The following HSPBAP1 variants were observed in gnomAD, a reference collection of about 807,000 sequenced individuals.
HSPBAP1 encodes HSPB1-associated protein 1.
In HSPBAP1, 27 loss-of-function variants were observed where a neutral mutation model predicts 45.2. The observed-to-expected ratio is 0.60, with a 90% CI of 0.44 to 0.82. The LOEUF is 0.82. HSPBAP1 is among the 40% of genes least tolerant of loss of function. The probability of loss-of-function intolerance (pLI) is 0.00; values close to 1 mark genes in which losing one functional copy is unlikely to be tolerated. For missense variants in HSPBAP1, 510 were observed against 590.9 expected (o/e 0.86, Z 1.42); for synonymous variants, 204 against 202.7 (o/e 1.01, Z -0.06).
chr3:122,747,301 G>A (rs1290417759), intron 6 of HSPBAP1, among the ~76,000 whole-genome samples: 11 of 151,522 alleles, frequency 7.3e-5, no homozygotes, highest in African/African-American at 2.7e-4. Flanking sequence ...GCCTCTGCCC[G>A]GCCGCGACCC....
At chr3:122,743,204 T>C (rs1425178252) in intron 6 of HSPBAP1, among the ~76,000 whole-genome samples, 4 of 152,228 alleles carry the variant, frequency 2.6e-5, no homozygotes, top group Admixed American at 1.3e-4. Context: ...TATCCACTCA[T>C]CAGATGATTG....
chr3:122,740,187 T>A lies in HSPBAP1; in HGVS notation c.*158A>T, dbSNP rs893766361. ...CAGTTTGGCCAAAGAGGAATGTGCA[T>A]GAAAGAAGGTGGCAACAGACTGACA... On this transcript the variant is annotated 3_prime_UTR_variant, in exon 8 of 8. Transcript: ENST00000306103. The A allele has an allele frequency of 6.7e-6, 3 of 450,914 alleles. No homozygotes were observed. Among genetic ancestry groups the A allele is most frequent in the Non-Finnish European group, 1.1e-5 (3 of 267,802 alleles). The allele number at this position is 450,914 out of a possible 1,614,324, so 27.9% of individuals were successfully genotyped here.
chr3:122,742,718 G>A (rs573445059), intron 6 of HSPBAP1, among the ~76,000 whole-genome samples: 1 of 152,222 alleles, frequency 6.6e-6, no homozygotes, highest in East Asian at 1.9e-4. Context: ...AAGTCCTTAA[G>A]AGCAAAAACT....
chr3:122,762,320 T>G (rs1934622363), intron 3 of HSPBAP1, among the ~76,000 whole-genome samples: 1 of 152,042 alleles, frequency 6.6e-6, no homozygotes. Flanking sequence ...TTCCTTCCAA[T>G]TGCTCTTCTC....
intron 1 of HSPBAP1, among the ~76,000 whole-genome samples, chr3:122,783,160 G>C (rs752562485): frequency 6.6e-6 from 1 of 152,232 alleles, no homozygotes; most frequent in African/African-American, 2.4e-5. Context: ...ATCTTCAGGT[G>C]ACCTTTACAT....
At chr3:122,783,356 C>A (rs941527236) in intron 1 of HSPBAP1, among the ~76,000 whole-genome samples, 1 of 152,108 alleles carries the variant, frequency 6.6e-6, no homozygotes, top group African/African-American at 2.4e-5. Flanking sequence ...TGCAGTGCAC[C>A]AAATCTTCCT....
chr3:122,745,779 C>G (rs1933825278), intron 6 of HSPBAP1, among the ~76,000 whole-genome samples: 3 of 152,136 alleles, frequency 2.0e-5, no homozygotes, highest in African/African-American at 7.2e-5. Context: ...GGTGAAAGTT[C>G]TCGACTTAAT....
intron 2 of HSPBAP1, among the ~76,000 whole-genome samples, chr3:122,776,218 C>T (rs984706587): frequency 1.3e-5 from 2 of 152,170 alleles, no homozygotes; most frequent in African/African-American, 4.8e-5. Context: ...TGTGCATATA[C>T]TAACAACCAA....
intron 5 of HSPBAP1, chr3:122,753,830 T>A: frequency 4.1e-6 from 4 of 984,718 alleles, no homozygotes; most frequent in Non-Finnish European, 4.8e-6. Context: ...TGGGTTTGAG[T>A]GGATTAAAGA....
rs200566293 is a variant in HSPBAP1 at position 122,783,828 on chromosome 3, ACTTT to A, written c.65-5926_65-5923del. 5.8e-3 allele frequency among the ~76,000 whole-genome samples: 734 copies of A among 126,402 alleles called. 6 individuals are homozygous for A. The highest frequency in any genetic ancestry group is 0.017 in the African/African-American group (659 of 38,176). 82.9% of individuals were successfully genotyped at this position (126,402 alleles called of 152,430 possible). A position where few individuals can be genotyped will look rare whatever the true frequency, so the allele number is the denominator to read the frequency against. The stretch of plus-strand genomic sequence containing the variant: ...CCTTGTTCCTGGTACAGGGAGGGCA[ACTTT>A]CTTTTTTTTTTTTTTTGAGACGGAG... On this transcript the variant is annotated intron_variant, in intron 1 of 7. Transcript: ENST00000306103.
chr3:122,759,106 A>G (rs1022330543), intron 4 of HSPBAP1, 118 bp downstream of exon 4: 28 of 1,399,906 alleles, frequency 2.0e-5, no homozygotes, highest in Non-Finnish European at 2.6e-5. Flanking sequence ...GCAGGCTGAC[A>G]GGATGGGGCT....
intron 5 of HSPBAP1, chr3:122,754,046 G>T: frequency 4.2e-6 from 1 of 236,210 alleles, no homozygotes; most frequent in Non-Finnish European, 6.9e-6. Flanking sequence ...ATGCAAAATA[G>T]TACAGCTGCT....
Position 122,740,323 on chromosome 3 carries a change from TA to T in HSPBAP1, c.*21del. On this transcript the variant is annotated 3_prime_UTR_variant, in exon 8 of 8. Coordinates refer to ENST00000306103, the MANE Select transcript of HSPBAP1 (RefSeq NM_024610.6). ...AATATATATTTAAAAAATATTATTTTAAAAGTCATCTTCCACTTGAATCATA... is the reference window on the plus strand; with the variant it reads ...AATATATATTTAAAAAATATTATTTTAAAGTCATCTTCCACTTGAATCATA... 6.8e-7 allele frequency: 1 copy of T among 1,467,790 alleles called. No individual in the cohort carries two copies. Among genetic ancestry groups the T allele is most frequent in the Non-Finnish European group, 9.2e-7 (1 of 1,091,720 alleles). 90.9% of individuals were successfully genotyped at this position (1,467,790 alleles called of 1,614,324 possible).
At chr3:122,788,070 T>C (rs1406586924) in intron 1 of HSPBAP1, among the ~76,000 whole-genome samples, 1 of 152,184 alleles carries the variant, frequency 6.6e-6, no homozygotes, top group Non-Finnish European at 1.5e-5. Flanking sequence ...TACCAATGCT[T>C]GGTGTGGCAG....
At chr3:122,753,584 A>C (rs1934237073) in intron 5 of HSPBAP1, 2 of 984,094 alleles carry the variant, frequency 2.0e-6, no homozygotes, top group South Asian at 9.4e-5. Flanking sequence ...GATGGCATCT[A>C]TCCAGACTCA....
intron 6 of HSPBAP1, among the ~76,000 whole-genome samples, chr3:122,749,393 A>C (rs1934046010): frequency 6.6e-6 from 1 of 152,186 alleles, no homozygotes; most frequent in African/African-American, 2.4e-5. Flanking sequence ...AAACAAACTG[A>C]AACAAATGAA....
rs759866368 is a variant in HSPBAP1 at position 122,740,762 on chromosome 3, A to G, written c.1050T>C (p.Asp350=). The change falls in exon 8 of 8, where the codon GAT becomes GAC. Residue 350 remains aspartate (D), a synonymous_variant. Transcript: ENST00000306103. The part of the protein sequence containing the change: ...EVVEIQALRT[D]GEHMKKEELN... ...ATTCTTCCTTTTTCATGTGCTCTCC[A>G]TCTGTTCTCAGTGCTTGGATTTCTA... The G allele has an allele frequency of 2.5e-6, 4 of 1,614,080 alleles. No homozygotes were observed. Among genetic ancestry groups the G allele is most frequent in the Middle Eastern group, 1.6e-4 (1 of 6,062 alleles).
chr3:122,791,660 TA>T (rs1195768645), intron 1 of HSPBAP1, among the ~76,000 whole-genome samples: 1 of 152,238 alleles, frequency 6.6e-6, no homozygotes, highest in Admixed American at 6.5e-5. Context: ...GTGACTGTTT[TA>T]AATAGTTTGA....
rs1246929778 is a variant in HSPBAP1 at position 122,742,053 on chromosome 3, G to A, written c.826-940C>T. On this transcript the variant is annotated intron_variant, in intron 6 of 7. Coordinates refer to ENST00000306103, the MANE Select transcript of HSPBAP1 (RefSeq NM_024610.6). ...TCTAGATAAACTTTTGCACATGTGT[G>A]CCAGGAAACATGTACAAGAATATTC... 3.3e-5 allele frequency among the ~76,000 whole-genome samples: 5 copies of A among 151,840 alleles called. No homozygotes were observed. In the East Asian group the frequency reaches 5.8e-4, roughly 18 times the overall value.
Sources: allele counts gnomAD v4.1 joint callset (sites outside exome capture counted in the v4.1 genomes callset), GRCh38; gene constraint gnomAD v4.1.1; transcripts MANE v1.5; gene names NCBI Gene and HGNC (gene_info 2026-07-23, HGNC 2026-07-21).